The following NUDC variants were observed in gnomAD, a reference collection of about 807,000 sequenced individuals.
The protein encoded by NUDC is nuclear distribution C, dynein complex regulator.
Under a neutral mutation model 45.0 loss-of-function variants are expected in NUDC, and 14 were observed. The ratio of observed to expected loss-of-function variants is 0.31; its 90% CI spans 0.21 to 0.49. The LOEUF (loss-of-function observed/expected upper bound fraction) is 0.49. Among genes scored for constraint, NUDC ranks in the 20% least tolerant of loss-of-function variants. The probability of loss-of-function intolerance (pLI) is 0.99; values close to 1 mark genes in which losing one functional copy is unlikely to be tolerated. For synonymous variants in NUDC, 153 were observed against 156.7 expected, an observed-to-expected ratio of 0.98 and a Z score of 0.17; for missense variants, 323 against 426.2, an observed-to-expected ratio of 0.76 and a Z score of 2.13.
chr1:26,900,505 G>A (rs930109776), intron 1 of NUDC: 2 of 1,386,638 alleles, frequency 1.4e-6, no homozygotes, highest in Non-Finnish European at 2.0e-6. Flanking sequence ...CAACGTTCCA[G>A]CCCCTGCGTT....
intron 3 of NUDC, among the ~76,000 whole-genome samples, chr1:26,916,425 C>T (rs890189545): frequency 6.6e-6 from 1 of 151,980 alleles, no homozygotes. Flanking sequence ...CAAAACCTCC[C>T]CTTAGACCCT....
At chr1:26,927,201 TCAG>T (rs2082139892) in intron 2 of NUDC, among the ~76,000 whole-genome samples, 5 of 143,952 alleles carry the variant, frequency 3.5e-5, no homozygotes, top group African/African-American at 5.3e-5. Flanking sequence ...TGTGTGTGTG[TCAG>T]GGTCTTGCTC....
intron 2 of NUDC, among the ~76,000 whole-genome samples, chr1:26,904,851 A>G (rs2081995799): frequency 6.7e-6 from 1 of 148,950 alleles, no homozygotes; most frequent in Middle Eastern, 3.2e-3. Flanking sequence ...ATTATTATAT[A>G]ATTTTTTTTT....
At chr1:26,918,185 T>C (rs1387816241), upstream of NUDC, among the ~76,000 whole-genome samples, 1 of 151,886 alleles carries the variant, frequency 6.6e-6, no homozygotes, top group Non-Finnish European at 1.5e-5. Context: ...TTTTTTTTTT[T>C]TTTGAGACAG....
intron 4 of NUDC, 126 bp downstream of exon 4, chr1:26,941,944 T>C: frequency 1.1e-6 from 1 of 894,816 alleles, no homozygotes; most frequent in South Asian, 1.4e-5. Context: ...TTTGGGAATC[T>C]TCCCCATACT....
At chr1:26,912,570 C>A (rs1490124350) in intron 3 of NUDC, among the ~76,000 whole-genome samples, 1 of 152,108 alleles carries the variant, frequency 6.6e-6, no homozygotes, top group Non-Finnish European at 1.5e-5. Context: ...TTTATGCGTG[C>A]CACAAGGGAC....
intron 3 of NUDC, 37 bp from the exon 4 acceptor site, chr1:26,941,715 TG>T: frequency 6.2e-7 from 1 of 1,613,324 alleles, no homozygotes; most frequent in African/African-American, 1.3e-5. Context: ...CACTGAGCAG[TG>T]GGGTCCTGTT....
At chr1:26,905,157 A>ATTTTTT (rs71007901) in intron 2 of NUDC, among the ~76,000 whole-genome samples, 8 of 84,290 alleles carry the variant, frequency 9.5e-5, no homozygotes, top group African/African-American at 1.6e-4. Flanking sequence ...TATTATTATT[A>ATTTTTT]TTTTTTTTTT....
At chr1:26,943,774 G>T (rs1326961196) in intron 6 of NUDC, among the ~76,000 whole-genome samples, 1 of 152,114 alleles carries the variant, frequency 6.6e-6, no homozygotes, top group East Asian at 1.9e-4. Context: ...AGGACACAGA[G>T]ATCAGTAAAT....
intron 5 of NUDC, 29 bp downstream of exon 5, chr1:26,942,805 T>C (rs990536856): frequency 3.1e-6 from 5 of 1,614,076 alleles, no homozygotes; most frequent in Non-Finnish European, 3.4e-6. Context: ...AGGTAAAGCT[T>C]AGGGGGCCAG....
In NUDC at chr1:26,945,638, T is replaced by A; in HGVS notation, c.896T>A (p.Met299Lys). Residue 299 changes from methionine (M) to lysine (K), a missense_variant, in exon 8 of 9, where the codon ATG becomes AAG. Transcript: ENST00000321265. Reference sequence around the variant, plus strand: ...ATGTATGACCAGCGACAGAAGTCCATGGGGCTGCCAACTTCAGACGAACAG... The same window carrying A: ...ATGTATGACCAGCGACAGAAGTCCAAGGGGCTGCCAACTTCAGACGAACAG... ...KMMYDQRQKS[M>K]GLPTSDEQKK... is the part of the protein sequence containing the mutation. 6.2e-7 allele frequency: 1 copy of A among 1,614,102 alleles called. No homozygotes were observed. Among genetic ancestry groups the A allele is most frequent in the Non-Finnish European group, 8.5e-7 (1 of 1,180,018 alleles).
chr1:26,925,589 T>C (rs1468502563), intron 2 of NUDC, among the ~76,000 whole-genome samples: 1 of 150,860 alleles, frequency 6.6e-6, no homozygotes, highest in African/African-American at 2.4e-5. Context: ...CTCAGAGGCA[T>C]GTCTTCCCAG....
intron 2 of NUDC, 81 bp downstream of exon 2, chr1:26,924,247 A>C (rs2082113589): frequency 8.3e-7 from 1 of 1,210,818 alleles, no homozygotes; most frequent in African/African-American, 1.5e-5. Flanking sequence ...TTGGCATAAT[A>C]GTAACTTTCA....
chr1:26,941,457 C>T lies in NUDC; in HGVS notation c.160C>T (p.Leu54Phe). Residue 54 changes from leucine to phenylalanine, a missense_variant and splice_region_variant, in exon 3 of 9, where the codon CTT becomes TTT. Leu to Phe is a conservative substitution (Grantham distance 22). This residue lies in a region of NUDC where 245 missense variants were observed against 278.8 expected (regional missense o/e 0.88). Coordinates refer to ENST00000321265, the MANE Select transcript of NUDC (RefSeq NM_006600.4). Reference sequence around the variant, plus strand: ...CTCATGGCCTTTCTTCCCTCTCCAGCTTATCACACAGACTTTCAGCCACCA... The same window carrying T: ...CTCATGGCCTTTCTTCCCTCTCCAGTTTATCACACAGACTTTCAGCCACCA... ...IGGEEGMAEK[L>F]ITQTFSHHNQ... 1 of 1,613,616 alleles carries T rather than the reference C, an allele frequency of 6.2e-7. No homozygotes were observed. The highest frequency in any genetic ancestry group is 8.5e-7 in the Non-Finnish European group (1 of 1,179,964).
chr1:26,922,092 G>T (rs1176911219), intron 1 of NUDC, 163 bp downstream of exon 1: 2 of 714,862 alleles, frequency 2.8e-6, no homozygotes, highest in East Asian at 2.7e-5. Flanking sequence ...CCGCCAGCAG[G>T]TCTCACCCGG....
At chr1:26,920,303 A>AGT (rs2082082614), upstream of NUDC, among the ~76,000 whole-genome samples, 1 of 152,098 alleles carries the variant, frequency 6.6e-6, no homozygotes, top group Non-Finnish European at 1.5e-5. Flanking sequence ...GAGCCTGGCC[A>AGT]ACATGGTGAA....
At chr1:26,941,153 G>A (rs1570744041) in intron 2 of NUDC, among the ~76,000 whole-genome samples, 1 of 142,970 alleles carries the variant, frequency 7.0e-6, no homozygotes, top group Non-Finnish European at 1.5e-5. Flanking sequence ...TGGCCAGGAT[G>A]GTCTTGACCT....
intron 3 of NUDC, chr1:26,912,233 G>A (rs1448956872): frequency 4.9e-6 from 4 of 813,334 alleles, no homozygotes; most frequent in Admixed American, 2.8e-5. Context: ...TCCTCCTTTA[G>A]AGGAGGTAAT....
At position 26,946,350 on chromosome 1, in the gene NUDC, C is replaced by T. The variant is rs2082317765; in HGVS notation, c.*169C>T. On this transcript the variant is annotated 3_prime_UTR_variant, in exon 9 of 9. Transcript: ENST00000321265. ...GAAAGGCTGGGTCTTGGGACCTTGT[C>T]CTCCCCAGTTGGCCTACTGTTACAC... is the stretch of plus-strand genomic sequence containing the variant. The T allele has an allele frequency of 4.3e-6, 3 of 693,612 alleles. No individual in the cohort carries two copies. The highest frequency in any genetic ancestry group is 2.2e-5 in the Admixed American group (1 of 46,368). 43.0% of individuals were successfully genotyped at this position (693,612 alleles called of 1,614,324 possible).
Sources: gnomAD v4.1 joint callset for allele counts (sites outside exome capture counted in the v4.1 genomes callset) on GRCh38, gnomAD v4.1.1 for gene constraint, gnomAD v4.1.1 regional missense constraint, MANE v1.5 for transcripts, NCBI Gene and HGNC (gene_info 2026-07-23, HGNC 2026-07-21) for gene names.